SAMD5: variants seen among roughly 807,000 people sequenced by gnomAD.
SAMD5 encodes sterile alpha motif domain-containing protein 5.
A neutral mutation model predicts 11.3 loss-of-function variants in SAMD5; 13 were observed. The observed-to-expected ratio is 1.15, with a 90% confidence interval of 0.75 to 1.83. The LOEUF is 1.83. SAMD5 is among the 40% of genes most tolerant of loss of function. The pLI, the probability that SAMD5 is intolerant of heterozygous loss-of-function variation, is 0.00. For missense variants in SAMD5, 255 were observed against 239.1 expected, an observed-to-expected ratio of 1.07 and a Z score of -0.44; for synonymous variants, 129 against 111.3, an observed-to-expected ratio of 1.16 and a Z score of -1.00.
chr6:147,616,252 A>ATTCATATATAT (rs1562334342), intron 1 of SAMD5, among the ~76,000 whole-genome samples: 1 of 137,798 alleles, frequency 7.3e-6, no homozygotes, highest in Non-Finnish European at 1.5e-5. Flanking sequence ...ATATATATTT[A>ATTCATATATAT]TTCATATATA....
chr6:147,534,273 G>A (rs891430467), intron 1 of SAMD5, among the ~76,000 whole-genome samples: 20 of 152,130 alleles, frequency 1.3e-4, no homozygotes, highest in Admixed American at 2.0e-4. Context: ...GATGAGTCAC[G>A]GGCGAAAGGA....
At chr6:147,843,741 G>A in the SAMD5 span, among the ~76,000 whole-genome samples, 8 of 152,134 alleles carry the variant, frequency 5.3e-5, no homozygotes, top group Non-Finnish European at 8.8e-5. Context: ...AACAAAATGG[G>A]GAAATGATAG....
At chr6:147,885,732 C>A in the SAMD5 span, among the ~76,000 whole-genome samples, 5 of 152,270 alleles carry the variant, frequency 3.3e-5, no homozygotes, top group South Asian at 8.3e-4. Flanking sequence ...TCTAGGGGTA[C>A]TCCAAGCTCA....
intron 1 of SAMD5, among the ~76,000 whole-genome samples, chr6:147,556,873 G>T (rs1312772781): frequency 1.3e-5 from 2 of 152,034 alleles, no homozygotes; most frequent in Non-Finnish European, 2.9e-5. Flanking sequence ...GCTTGAAAGT[G>T]GCCACTAAAA....
At chr6:147,805,459 G>A in the SAMD5 span, among the ~76,000 whole-genome samples, 1 of 152,220 alleles carries the variant, frequency 6.6e-6, no homozygotes, top group East Asian at 1.9e-4. Flanking sequence ...TTGAAATGAT[G>A]ATAACTGATT....
Position 147,509,051 on chromosome 6 carries a change from G to A in SAMD5, c.123G>A (p.Leu41=). Residue 41 remains leucine (L), a synonymous_variant, in exon 1 of 2, where the codon CTG becomes CTA. Coordinates refer to ENST00000367474, the MANE Select transcript of SAMD5 (RefSeq NM_001030060.3). ...GCAAGCAGATCGGGGACCCGGACCTGGATGCCATCGGGGTGCTGGCGCCCG... is the reference window on the plus strand; with the variant it reads ...GCAAGCAGATCGGGGACCCGGACCTAGATGCCATCGGGGTGCTGGCGCCCG... ...EVCKQIGDPD[L]DAIGVLAPAH... The A allele has an allele frequency of 6.2e-7, 1 of 1,606,480 alleles. No homozygotes were observed. The highest frequency in any genetic ancestry group is 8.5e-7 in the Non-Finnish European group (1 of 1,177,254).
chr6:147,789,321 T>C, the SAMD5 span, among the ~76,000 whole-genome samples: 1 of 109,742 alleles, frequency 9.1e-6, no homozygotes, highest in African/African-American at 3.2e-5. Context: ...ACACACACAG[T>C]CAAAACCCAA....
the SAMD5 span, among the ~76,000 whole-genome samples, chr6:147,869,845 TC>T: frequency 3.3e-5 from 5 of 152,000 alleles, no homozygotes; most frequent in African/African-American, 1.2e-4. Context: ...CCACAGGTGC[TC>T]ACCACTACAA....
intron 1 of SAMD5, among the ~76,000 whole-genome samples, chr6:147,530,392 A>G (rs910496134): frequency 1.3e-5 from 2 of 152,236 alleles, no homozygotes; most frequent in East Asian, 3.9e-4. Context: ...TGCGCAGCAC[A>G]AAGGCGGCAG....
chr6:147,559,450 A>G (rs983213650), intron 1 of SAMD5, among the ~76,000 whole-genome samples: 2 of 152,172 alleles, frequency 1.3e-5, no homozygotes, highest in Non-Finnish European at 2.9e-5. Flanking sequence ...CCTCTCCACT[A>G]TACTTTTCAT....
At chr6:147,838,537 C>T in the SAMD5 span, among the ~76,000 whole-genome samples, 2 of 144,730 alleles carry the variant, frequency 1.4e-5, no homozygotes, top group Admixed American at 1.4e-4. Flanking sequence ...TCCTGCCCCC[C>T]CCCCGTAGTT....
At chr6:147,861,260 G>A in the SAMD5 span, among the ~76,000 whole-genome samples, 1 of 151,956 alleles carries the variant, frequency 6.6e-6, no homozygotes, top group Non-Finnish European at 1.5e-5. Flanking sequence ...CGCCTCCCAG[G>A]TTCAAGCAAT....
the SAMD5 span, among the ~76,000 whole-genome samples, chr6:147,882,175 C>A: frequency 2.6e-5 from 4 of 152,126 alleles, no homozygotes; most frequent in Non-Finnish European, 4.4e-5. Context: ...GATTCCTATT[C>A]TTTGTCCTCT....
At chr6:147,875,488 A>G in the SAMD5 span, among the ~76,000 whole-genome samples, 1 of 152,006 alleles carries the variant, frequency 6.6e-6, no homozygotes, top group Non-Finnish European at 1.5e-5. Flanking sequence ...CCATTCGACT[A>G]TCTCATCCCT....
chr6:147,620,944 ATGAC>A lies in SAMD5; in HGVS notation c.162+111560_162+111563del, dbSNP rs1221505194. ...TATGTGAGTGTATGTTTGTGTGTGT[ATGAC>A]TGTGTATGTGCCTCTGTGTGTGTGT... On this transcript the variant is annotated intron_variant, in intron 1 of 1. Transcript: ENST00000566741. Among the ~76,000 whole-genome samples, 13 of 148,752 alleles carry A rather than the reference ATGAC, an allele frequency of 8.7e-5. No homozygotes were observed. The East Asian group carries it at 2.6e-3, about 30-fold the overall frequency.
chr6:147,880,613 C>A, the SAMD5 span, among the ~76,000 whole-genome samples: 1 of 152,154 alleles, frequency 6.6e-6, no homozygotes, highest in Non-Finnish European at 1.5e-5. Flanking sequence ...TTGGTCTGGA[C>A]GTTTTCTCGG....
chr6:147,904,419 G>C, the SAMD5 span, among the ~76,000 whole-genome samples: 1 of 152,212 alleles, frequency 6.6e-6, no homozygotes, highest in African/African-American at 2.4e-5. Context: ...CCAGTGCCTA[G>C]CCTGGGTCTC....
At chr6:147,944,496 C>G in the SAMD5 span, among the ~76,000 whole-genome samples, 1 of 152,162 alleles carries the variant, frequency 6.6e-6, no homozygotes. Context: ...ATTCAATTAC[C>G]TCCCACCGGT....
chr6:147,900,126 G>A, the SAMD5 span, among the ~76,000 whole-genome samples: 15 of 152,314 alleles, frequency 9.8e-5, no homozygotes, highest in African/African-American at 3.6e-4. Context: ...TGGATGTCCT[G>A]TTGGTTTTGA....
Sources: gnomAD v4.1 joint callset for allele counts (sites outside exome capture counted in the v4.1 genomes callset) on GRCh38, gnomAD v4.1.1 for gene constraint, MANE v1.5 for transcripts, NCBI Gene and HGNC (gene_info 2026-07-23, HGNC 2026-07-21) for gene names.